ORC3: variants seen among roughly 807,000 people sequenced by gnomAD.
ORC3 encodes origin recognition complex subunit 3, also known as homolog of latheo, Drosophila.
A neutral mutation model predicts 100.7 loss-of-function variants in ORC3; 78 were observed. The ratio of observed to expected loss-of-function variants is 0.77; its 90% CI spans 0.65 to 0.94. The LOEUF is 0.94. Among genes scored for constraint, ORC3 ranks in the 40% least tolerant of loss-of-function variants. ORC3 has a pLI of 0.00. For missense variants in ORC3, 789 were observed against 823.9 expected (o/e 0.96, Z 0.52); for synonymous variants, 295 against 289.3 (o/e 1.02, Z -0.20).
At chr6:87,668,297 C>T (rs1562392024), downstream of ORC3, among the ~76,000 whole-genome samples, 1 of 152,060 alleles carries the variant, frequency 6.6e-6, no homozygotes, top group Non-Finnish European at 1.5e-5. Flanking sequence ...GTGTGTGTGC[C>T]CGTGTGTGTG....
At chr6:87,615,555 A>G (rs1380839064) in intron 8 of ORC3, among the ~76,000 whole-genome samples, 3 of 152,214 alleles carry the variant, frequency 2.0e-5, no homozygotes, top group Admixed American at 1.3e-4. Context: ...CTAGGCCGGA[A>G]AGGGTGGCAA....
intron 9 of ORC3, among the ~76,000 whole-genome samples, chr6:87,620,566 A>T (rs1779465445): frequency 6.6e-6 from 1 of 152,220 alleles, no homozygotes; most frequent in African/African-American, 2.4e-5. Flanking sequence ...CTAATTTATT[A>T]ATTTGTGATG....
intron 5 of ORC3, among the ~76,000 whole-genome samples, chr6:87,606,851 C>T (rs1778380488): frequency 1.3e-5 from 2 of 152,132 alleles, no homozygotes; most frequent in African/African-American, 4.8e-5. Context: ...CCATGCCTGG[C>T]CCTAATGTGG....
In ORC3 at chr6:87,621,381, C is replaced by T; in HGVS notation, c.1015C>T (p.Gln339Ter). The part of the protein sequence containing the change: ...QLSLLEHFYS[Q>*]PLSVLCCNLP... ...TTCTCTATTAGAGCATTTCTATTCC[C>T]AGCCCTTAAGTGTCCTGTGCTGTAA... Residue 339 changes from glutamine (Q) to a stop codon, truncating the protein, a stop_gained, in exon 10 of 20, where the codon CAG (glutamine) becomes TAG (stop). Transcript: ENST00000392844. LOFTEE classifies it high-confidence loss of function. The T allele has an allele frequency of 1.3e-6, 2 of 1,572,550 alleles. No homozygotes were observed. Among genetic ancestry groups the T allele is most frequent in the Non-Finnish European group, 1.7e-6 (2 of 1,165,692 alleles).
intron 1 of ORC3, among the ~76,000 whole-genome samples, chr6:87,592,178 G>A (rs184391400): frequency 2.0e-3 from 303 of 152,286 alleles, no homozygotes; most frequent in Non-Finnish European, 3.4e-3. Context: ...GATCCTTTCT[G>A]ATCACTCCTC....
intron 7 of ORC3, among the ~76,000 whole-genome samples, chr6:87,611,176 A>G (rs1778739400): frequency 6.6e-6 from 1 of 151,762 alleles, no homozygotes; most frequent in South Asian, 2.1e-4. Flanking sequence ...GCCTCAAGAG[A>G]TCTGCCCTCC....
At position 87,616,365 on chromosome 6, in the gene ORC3, G is replaced by A. The variant is rs766871579; in HGVS notation, c.925G>A (p.Val309Ile). Residue 309 changes from valine to isoleucine, a missense_variant, in exon 9 of 20, where the codon GTT becomes ATT. By Grantham distance (29) the Val-to-Ile change is conservative. This residue lies in a region of ORC3 where 399 missense variants were observed against 382.0 expected (regional missense o/e 1.04). Coordinates refer to ENST00000392844, the MANE Select transcript of ORC3 (RefSeq NM_012381.4). ...TAAAATAAATGAAAAAGTATTACAG[G>A]TTCTGACCAACATCTTTTTGTATCA... ...PFKINEKVLQ[V>I]LTNIFLYHDF... is the part of the protein sequence containing the mutation. The A allele has an allele frequency of 9.0e-6, 14 of 1,553,022 alleles. No homozygotes were observed. The East Asian group carries it at 3.1e-4, about 35-fold the overall frequency.
chr6:87,671,376 C>CAAAG (rs1158761163), downstream of ORC3, among the ~76,000 whole-genome samples: 2 of 151,956 alleles, frequency 1.3e-5, no homozygotes, highest in African/African-American at 2.4e-5. Context: ...TGCCTAGAAA[C>CAAAG]AAAGAATGGA....
At chr6:87,676,470 A>AAAAG in the ORC3 span, among the ~76,000 whole-genome samples, 2 of 110,026 alleles carry the variant, frequency 1.8e-5, no homozygotes, top group African/African-American at 3.7e-5. Context: ...AAAAAAAAAA[A>AAAAG]ACGAGGCCGG....
At chr6:87,632,133 C>T (rs1461044267) in intron 11 of ORC3, among the ~76,000 whole-genome samples, 2 of 152,004 alleles carry the variant, frequency 1.3e-5, no homozygotes, top group South Asian at 4.1e-4. Flanking sequence ...CACTGCACTC[C>T]AGCCTGGGCA....
downstream of ORC3, among the ~76,000 whole-genome samples, chr6:87,670,182 C>A (rs974431542): frequency 3.3e-5 from 5 of 152,266 alleles, no homozygotes; most frequent in African/African-American, 1.2e-4. Flanking sequence ...GCCCTATTTT[C>A]TTTTTCGAGA....
intron 11 of ORC3, among the ~76,000 whole-genome samples, chr6:87,627,297 C>CTTTTTTTT (rs71554739): frequency 1.3e-3 from 152 of 113,374 alleles, no homozygotes; most frequent in African/African-American, 1.8e-3. Flanking sequence ...CCGCGCCCAG[C>CTTTTTTTT]TTTTTTTTTT....
At chr6:87,603,805 ACT>A (rs1356022223) in intron 4 of ORC3, among the ~76,000 whole-genome samples, 6 of 152,078 alleles carry the variant, frequency 3.9e-5, no homozygotes, top group Admixed American at 6.6e-5. Context: ...TATTTGTTTT[ACT>A]CTTTCTTTGT....
intron 2 of ORC3, among the ~76,000 whole-genome samples, chr6:87,600,955 G>C (rs1777853201): frequency 6.6e-6 from 1 of 152,174 alleles, no homozygotes; most frequent in Non-Finnish European, 1.5e-5. Flanking sequence ...TTGAAAGCCA[G>C]TGCAATAAAT....
Position 87,601,860 on chromosome 6 carries a change from G to C in ORC3, c.156G>C (p.Gln52His). ...TCGAAACTTATCAGTTGATATGGCA[G>C]CAGATGAAATCTGAAAATGAGGTGA... is the stretch of plus-strand genomic sequence containing the variant. ...LRFETYQLIWQQMKSENERLQ... is the reference protein window; with the variant it reads ...LRFETYQLIWHQMKSENERLQ... The change falls in exon 3 of 20, where the codon CAG (glutamine) becomes CAC (histidine). Residue 52 changes from glutamine to histidine, a missense_variant. By Grantham distance (24) the Gln-to-His change is conservative (BLOSUM62 0). This residue lies in a region of ORC3 where 399 missense variants were observed against 382.0 expected (regional missense o/e 1.04). Transcript: ENST00000392844. 6.2e-7 allele frequency: 1 copy of C among 1,604,156 alleles called. No homozygotes were observed. Among genetic ancestry groups the C allele is most frequent in the Non-Finnish European group, 8.5e-7 (1 of 1,170,932 alleles).
chr6:87,643,600 TC>T (rs1768457655), intron 13 of ORC3, among the ~76,000 whole-genome samples: 1 of 152,206 alleles, frequency 6.6e-6, no homozygotes, highest in Non-Finnish European at 1.5e-5. Context: ...GAAAAAAAGA[TC>T]TGAATTTGTA....
At chr6:87,654,188 C>G (rs1463289341) in intron 14 of ORC3, among the ~76,000 whole-genome samples, 1 of 152,066 alleles carries the variant, frequency 6.6e-6, no homozygotes, top group Non-Finnish European at 1.5e-5. Flanking sequence ...GCTTCTTTGT[C>G]TTAAAAATCT....
At chr6:87,593,188 T>C (rs6929542) in intron 1 of ORC3, among the ~76,000 whole-genome samples, 10,948 of 152,134 alleles carry the variant, frequency 0.072, 546 homozygotes, top group African/African-American at 0.15. Context: ...AACTTGGGGG[T>C]GATCTACCAC....
chr6:87,630,148 G>T (rs1767283601), intron 11 of ORC3, among the ~76,000 whole-genome samples: 1 of 152,132 alleles, frequency 6.6e-6, no homozygotes, highest in Non-Finnish European at 1.5e-5. Context: ...GAGAGACTGA[G>T]GCTGGGCACA....
Sources: gnomAD v4.1 joint callset for allele counts (sites outside exome capture counted in the v4.1 genomes callset) on GRCh38, gnomAD v4.1.1 for gene constraint, gnomAD v4.1.1 regional missense constraint, MANE v1.5 for transcripts, NCBI Gene and HGNC (gene_info 2026-07-23, HGNC 2026-07-21) for gene names.